GRM7: variants seen among roughly 807,000 people sequenced by gnomAD.
GRM7 encodes the protein metabotropic glutamate receptor 7.
A neutral mutation model predicts 84.5 loss-of-function variants in GRM7; 35 were observed. That is an observed-to-expected ratio of 0.41 (90% CI 0.32 to 0.55). The LOEUF (loss-of-function observed/expected upper bound fraction) is 0.55, where lower values mean the gene tolerates loss of function less well. Among genes scored for constraint, GRM7 ranks in the 20% least tolerant of loss-of-function variants. The pLI is 0.19. For synonymous variants in GRM7, 487 were observed against 455.1 expected (o/e 1.07, Z -0.89); for missense variants, 1,003 against 1,194.6 (o/e 0.84, Z 2.36).
intron 4 of GRM7, among the ~76,000 whole-genome samples, chr3:7,392,440 T>C (rs896319431): frequency 2.0e-5 from 3 of 152,166 alleles, no homozygotes; most frequent in Non-Finnish European, 4.4e-5. Context: ...CAATGTCTGA[T>C]CTAAGACTAA....
At chr3:6,924,428 A>C (rs1319358452) in intron 1 of GRM7, among the ~76,000 whole-genome samples, 1 of 152,196 alleles carries the variant, frequency 6.6e-6, no homozygotes, top group African/African-American at 2.4e-5. Context: ...GGAACTTTAA[A>C]AAATCTTAAA....
chr3:6,972,302 T>C (rs140636440), intron 1 of GRM7, among the ~76,000 whole-genome samples: 156 of 152,318 alleles, frequency 1.0e-3, no homozygotes, highest in African/African-American at 3.5e-3. Flanking sequence ...TTTGAATACA[T>C]TGGCCCTTCC....
At chr3:7,166,882 T>G (rs1415431850) in intron 2 of GRM7, among the ~76,000 whole-genome samples, 1 of 152,230 alleles carries the variant, frequency 6.6e-6, no homozygotes, top group Non-Finnish European at 1.5e-5. Context: ...AGGAAATGAA[T>G]AAAATTTGAC....
At chr3:7,713,697 G>A (rs934660913) in intron 9 of GRM7, among the ~76,000 whole-genome samples, 1 of 149,878 alleles carries the variant, frequency 6.7e-6, no homozygotes, top group African/African-American at 2.5e-5. Flanking sequence ...AATAATGCAT[G>A]TTAACAGCAT....
At chr3:7,678,443 C>T (rs1238339462) in intron 8 of GRM7, among the ~76,000 whole-genome samples, 8 of 152,120 alleles carry the variant, frequency 5.3e-5, no homozygotes, top group African/African-American at 9.7e-5. Flanking sequence ...CTCATAAGTA[C>T]GGTGACAGTG....
At chr3:7,036,240 A>G (rs930820071) in intron 1 of GRM7, among the ~76,000 whole-genome samples, 29 of 152,326 alleles carry the variant, frequency 1.9e-4, no homozygotes, top group African/African-American at 5.0e-4. Flanking sequence ...AATCATGGCC[A>G]ATAATTTGAA....
intron 1 of GRM7, among the ~76,000 whole-genome samples, chr3:6,887,040 C>A (rs1398923840): frequency 6.6e-6 from 1 of 151,882 alleles, no homozygotes; most frequent in African/African-American, 2.4e-5. Context: ...TTTTTAACTT[C>A]CATACATCTG....
chr3:7,414,938 G>T lies in GRM7; in HGVS notation c.1034-85G>T, dbSNP rs113236144. ...AGAGGATCCAATTCACTGAAACAAA[G>T]AAAAAAAAAGTCACTTTTATTTTTA... On this transcript the variant is annotated intron_variant, in intron 4 of 9. Transcript: ENST00000357716. 9,151 of 1,027,516 alleles carry T rather than the reference G, an allele frequency of 8.9e-3. 56 individuals carry two copies. Among genetic ancestry groups the T allele is most frequent in the South Asian group, 0.014 (729 of 53,660 alleles). The allele number at this position is 1,027,516 out of a possible 1,614,324, so 63.6% of individuals were successfully genotyped here.
chr3:7,217,951 G>A (rs1169128723), intron 2 of GRM7, among the ~76,000 whole-genome samples: 1 of 151,860 alleles, frequency 6.6e-6, no homozygotes, highest in Non-Finnish European at 1.5e-5. Flanking sequence ...TCAAGATGTT[G>A]ATTTCTCTTA....
At chr3:7,232,060 T>C (rs1468731245) in intron 2 of GRM7, among the ~76,000 whole-genome samples, 1 of 152,124 alleles carries the variant, frequency 6.6e-6, no homozygotes, top group African/African-American at 2.4e-5. Flanking sequence ...AAGCAGGAAA[T>C]AGAAGATTTC....
At chr3:7,163,963 T>C (rs187119345) in intron 2 of GRM7, among the ~76,000 whole-genome samples, 1 of 152,352 alleles carries the variant, frequency 6.6e-6, no homozygotes, top group East Asian at 1.9e-4. Context: ...TCAAGTCATC[T>C]TGACATCATC....
intron 1 of GRM7, among the ~76,000 whole-genome samples, chr3:7,046,769 G>A (rs189794387): frequency 3.2e-4 from 49 of 152,184 alleles, no homozygotes; most frequent in African/African-American, 1.2e-3. Flanking sequence ...CTGATGGATA[G>A]CGCTTCAGTT....
At chr3:7,167,899 G>A (rs1031223928) in intron 2 of GRM7, among the ~76,000 whole-genome samples, 3 of 146,776 alleles carry the variant, frequency 2.0e-5, no homozygotes, top group African/African-American at 7.7e-5. Flanking sequence ...AACCCGGGAG[G>A]TGGAGCTTGC....
At chr3:7,727,138 C>T (rs1189720614) in intron 9 of GRM7, among the ~76,000 whole-genome samples, 1 of 152,090 alleles carries the variant, frequency 6.6e-6, no homozygotes, top group Non-Finnish European at 1.5e-5. Flanking sequence ...TAAGCATTTT[C>T]TATGTTGCTC....
At chr3:7,713,795 CTTTTTTTTTTTTTTT>C (rs60007117) in intron 9 of GRM7, among the ~76,000 whole-genome samples, 16 of 64,746 alleles carry the variant, frequency 2.5e-4, no homozygotes, top group Admixed American at 7.1e-4. Flanking sequence ...CGGATGCTTT[CTTTTTTTTTTTTTTT>C]TTTTTTTTTT....
intron 1 of GRM7, among the ~76,000 whole-genome samples, chr3:6,921,876 T>G (rs1252142763): frequency 6.6e-6 from 1 of 152,186 alleles, no homozygotes; most frequent in Non-Finnish European, 1.5e-5. Context: ...CCTAAGCTAA[T>G]ATGATTTACT....
rs74586455 is a variant in GRM7 at position 6,955,257 on chromosome 3, C to T, written c.519+93350C>T. 5.6e-3 allele frequency among the ~76,000 whole-genome samples: 848 copies of T among 152,212 alleles called. 3 individuals carry two copies. Among genetic ancestry groups the T allele is most frequent in the Non-Finnish European group, 9.9e-3 (670 of 68,008 alleles). On this transcript the variant is annotated intron_variant, in intron 1 of 9. Coordinates refer to ENST00000357716, the MANE Select transcript of GRM7 (RefSeq NM_000844.4). Reference sequence around the variant, plus strand: ...CATTATTTAAGAATAGAATGACGGCCGGGGCTGGTGGCTTACGCCTGTAAT... The same window carrying T: ...CATTATTTAAGAATAGAATGACGGCTGGGGCTGGTGGCTTACGCCTGTAAT...
At chr3:7,034,212 T>C (rs1393356046) in intron 1 of GRM7, among the ~76,000 whole-genome samples, 1 of 152,180 alleles carries the variant, frequency 6.6e-6, no homozygotes, top group Admixed American at 6.6e-5. Flanking sequence ...TGTCATTGCC[T>C]GAGTCACTTT....
At chr3:7,391,639 C>T (rs1437413862) in intron 4 of GRM7, among the ~76,000 whole-genome samples, 1 of 151,948 alleles carries the variant, frequency 6.6e-6, no homozygotes, top group Non-Finnish European at 1.5e-5. Flanking sequence ...AGCACACCAA[C>T]ATGGCAAATG....
Sources: allele counts gnomAD v4.1 joint callset (sites outside exome capture counted in the v4.1 genomes callset), GRCh38; gene constraint gnomAD v4.1.1; transcripts MANE v1.5; gene names NCBI Gene and HGNC (gene_info 2026-07-23, HGNC 2026-07-21).